Variants in ABTB2 observed in about 807,000 individuals in gnomAD.
ABTB2 encodes the protein ankyrin repeat and BTB domain containing 2.
ABTB2 carries 56 observed loss-of-function variants against 104.1 expected under a neutral mutation model. The observed-to-expected ratio is 0.54, with a 90% CI of 0.43 to 0.67. ABTB2 has a LOEUF of 0.67. Ranked by LOEUF, ABTB2 falls within the 30% of genes least tolerant of loss-of-function variation. The probability of loss-of-function intolerance (pLI) is 0.00; values close to 1 mark genes in which losing one functional copy is unlikely to be tolerated. For missense variants in ABTB2, 1,279 were observed against 1,407.7 expected (o/e 0.91, Z 1.46); for synonymous variants, 606 against 608.2 (o/e 1.00, Z 0.05).
At chr11:34,210,430 A>G (rs1267392014) in intron 1 of ABTB2, among the ~76,000 whole-genome samples, 1 of 152,132 alleles carries the variant, frequency 6.6e-6, no homozygotes, top group Non-Finnish European at 1.5e-5. Flanking sequence ...TAACACCACC[A>G]CTTTCCCCCA....
At chr11:34,325,591 C>T (rs1223638186) in intron 1 of ABTB2, among the ~76,000 whole-genome samples, 2 of 152,202 alleles carry the variant, frequency 1.3e-5, no homozygotes, top group African/African-American at 4.8e-5. Flanking sequence ...ATTACTATTA[C>T]TACTCTTACT....
intron 1 of ABTB2, among the ~76,000 whole-genome samples, chr11:34,341,780 T>A (rs1855264769): frequency 6.6e-6 from 1 of 152,134 alleles, no homozygotes; most frequent in South Asian, 2.1e-4. Flanking sequence ...GGCCTCAGTG[T>A]GAACGGAAAA....
chr11:34,329,447 C>T (rs945501455), intron 1 of ABTB2, among the ~76,000 whole-genome samples: 1 of 152,234 alleles, frequency 6.6e-6, no homozygotes, highest in Non-Finnish European at 1.5e-5. Context: ...CCACAGCTGA[C>T]CTACAGTTCT....
At chr11:34,309,013 G>A (rs1324029028) in intron 1 of ABTB2, among the ~76,000 whole-genome samples, 2 of 152,138 alleles carry the variant, frequency 1.3e-5, no homozygotes, top group African/African-American at 4.8e-5. Flanking sequence ...AGGCATGAAT[G>A]TGCTGCAATC....
chr11:34,194,763 A>T (rs1243097529), intron 3 of ABTB2, among the ~76,000 whole-genome samples: 1 of 127,648 alleles, frequency 7.8e-6, no homozygotes, highest in Admixed American at 7.8e-5. Context: ...CTGTGTCATA[A>T]CTTAAAAATT....
chr11:34,343,628 C>T (rs1038228825), intron 1 of ABTB2, among the ~76,000 whole-genome samples: 6 of 142,592 alleles, frequency 4.2e-5, no homozygotes, highest in Non-Finnish European at 9.7e-5. Context: ...GCGCCTGCCA[C>T]CACACCGCCT....
chr11:34,154,745 C>A lies in ABTB2; in HGVS notation c.2722G>T (p.Gly908Ter). The A allele has an allele frequency of 6.2e-7, 1 of 1,614,136 alleles. No individual in the cohort carries two copies. The highest frequency in any genetic ancestry group is 8.5e-7 in the Non-Finnish European group (1 of 1,180,000). The change falls in exon 15 of 17, where the codon GGA becomes TGA. Residue 908 changes from glycine to a stop codon, truncating the protein, a stop_gained. Transcript: ENST00000435224. LOFTEE classifies it high-confidence loss of function. This position sits in a 1 kb window ranked among gnomAD's most constrained non-coding sequence, Gnocchi z 4.9. ...FQMMMQYLYY[G>*]GTESMEIPTT... ...GGGATCTCCATGGATTCTGTTCCTC[C>A]GTAGTACAGATACTGCATCATCATC...
At chr11:34,328,294 TTGACTG>T (rs1223140425) in intron 1 of ABTB2, among the ~76,000 whole-genome samples, 3 of 152,228 alleles carry the variant, frequency 2.0e-5, no homozygotes, top group Non-Finnish European at 4.4e-5. Flanking sequence ...ACTTGCTTTT[TTGACTG>T]TGAGAAATCC....
At chr11:34,331,715 C>T (rs1310601139) in intron 1 of ABTB2, among the ~76,000 whole-genome samples, 1 of 152,176 alleles carries the variant, frequency 6.6e-6, no homozygotes, top group Non-Finnish European at 1.5e-5. Flanking sequence ...TTCACTCACC[C>T]AGAAGAAGTG....
At chr11:34,313,568 A>G (rs888918750) in intron 1 of ABTB2, among the ~76,000 whole-genome samples, 45 of 152,208 alleles carry the variant, frequency 3.0e-4, no homozygotes, top group Admixed American at 2.7e-3. Context: ...AGACCATTGG[A>G]CAAGGAGGAT....
At chr11:34,330,600 T>C (rs12796736) in intron 1 of ABTB2, among the ~76,000 whole-genome samples, 7,286 of 152,308 alleles carry the variant, frequency 0.048, 215 homozygotes, top group Middle Eastern at 0.11. Flanking sequence ...ATGGCCATGG[T>C]TATAACATCA....
At chr11:34,271,884 C>G (rs1565155862) in intron 1 of ABTB2, among the ~76,000 whole-genome samples, 1 of 152,172 alleles carries the variant, frequency 6.6e-6, no homozygotes. Context: ...ATCCTGTGAG[C>G]CAAACCAGCA....
chr11:34,341,710 T>G (rs1340990267), intron 1 of ABTB2, among the ~76,000 whole-genome samples: 1 of 152,174 alleles, frequency 6.6e-6, no homozygotes, highest in Non-Finnish European at 1.5e-5. Context: ...TCACAGCTTG[T>G]CAGGTCTCCT....
chr11:34,287,676 T>TA (rs541642388), intron 1 of ABTB2, among the ~76,000 whole-genome samples: 136 of 152,316 alleles, frequency 8.9e-4, no homozygotes, highest in African/African-American at 3.1e-3. Context: ...CTGCACAACA[T>TA]ACAGAGGCTC....
At chr11:34,271,032 T>C (rs1355096447) in intron 1 of ABTB2, among the ~76,000 whole-genome samples, 1 of 152,030 alleles carries the variant, frequency 6.6e-6, no homozygotes, top group Non-Finnish European at 1.5e-5. Context: ...GGGTTTTTGA[T>C]GGAGATGAGA....
Position 34,326,629 on chromosome 11 carries a change from CA to C in ABTB2, c.883+30071del, listed in dbSNP as rs35018448. On this transcript the variant is annotated intron_variant, in intron 1 of 16. Coordinates refer to ENST00000435224, the MANE Select transcript of ABTB2 (RefSeq NM_145804.3). ...TGGGTGTCAGAGGGAGACCCTGTCTCAAAAAAAAAAAAAAAAGTTTAAATAA... is the reference window on the plus strand; with the variant it reads ...TGGGTGTCAGAGGGAGACCCTGTCTCAAAAAAAAAAAAAAAGTTTAAATAA... Among the ~76,000 whole-genome samples, 607 of 102,320 alleles carry C rather than the reference CA, an allele frequency of 5.9e-3. 5 individuals carry two copies. The highest frequency in any genetic ancestry group is 0.013 in the African/African-American group (379 of 29,074). 67.1% of individuals were successfully genotyped at this position (102,320 alleles called of 152,430 possible).
At chr11:34,246,350 C>CCAGCACTT (rs944569574) in intron 1 of ABTB2, among the ~76,000 whole-genome samples, 3 of 152,042 alleles carry the variant, frequency 2.0e-5, no homozygotes, top group Non-Finnish European at 4.4e-5. Flanking sequence ...GCCTGTAATC[C>CCAGCACTT]CAGCACTTTG....
chr11:34,285,329 G>A (rs1590241734), intron 1 of ABTB2, among the ~76,000 whole-genome samples: 4 of 152,084 alleles, frequency 2.6e-5, no homozygotes, highest in Admixed American at 6.5e-5. Context: ...GATCACTATC[G>A]GGGGTCCCTG....
chr11:34,244,657 C>T (rs1410723818), intron 1 of ABTB2, among the ~76,000 whole-genome samples: 1 of 152,152 alleles, frequency 6.6e-6, no homozygotes, highest in Non-Finnish European at 1.5e-5. Flanking sequence ...CCAATGTACT[C>T]GCTGTTTGAC....
Sources: allele counts gnomAD v4.1 joint callset (sites outside exome capture counted in the v4.1 genomes callset), GRCh38; gene constraint gnomAD v4.1.1; non-coding constraint Gnocchi (gnomAD v3.1); transcripts MANE v1.5; gene names NCBI Gene and HGNC (gene_info 2026-07-23, HGNC 2026-07-21).